HCRTR2: variants seen among roughly 807,000 people sequenced by gnomAD.
HCRTR2 encodes the protein orexin receptor type 2.
In HCRTR2, 22 loss-of-function variants were observed where a neutral mutation model predicts 49.0. The observed-to-expected ratio is 0.45, with a 90% confidence interval of 0.32 to 0.64. The LOEUF is 0.64. Among genes scored for constraint, HCRTR2 ranks in the 30% least tolerant of loss-of-function variants. The pLI is 0.04. For missense variants in HCRTR2, 491 were observed against 559.4 expected, an observed-to-expected ratio of 0.88 and a Z score of 1.23; for synonymous variants, 236 against 205.3, an observed-to-expected ratio of 1.15 and a Z score of -1.28.
At chr6:55,180,374 G>C (rs951794152) in intron 1 of HCRTR2, among the ~76,000 whole-genome samples, 7 of 152,254 alleles carry the variant, frequency 4.6e-5, no homozygotes, top group Non-Finnish European at 8.8e-5. Context: ...GAGGAAGGAA[G>C]AGATACTTAG....
chr6:55,232,264 T>A (rs1766129944), intron 1 of HCRTR2, among the ~76,000 whole-genome samples: 1 of 152,166 alleles, frequency 6.6e-6, no homozygotes, highest in African/African-American at 2.4e-5. Context: ...ATTAATACAA[T>A]CTTTATATAT....
At chr6:55,116,606 T>C (rs1261440162) in intron 1 of HCRTR2, among the ~76,000 whole-genome samples, 3 of 150,414 alleles carry the variant, frequency 2.0e-5, no homozygotes, top group East Asian at 2.0e-4. Context: ...TAGAATACAA[T>C]TGATCTAAAA....
chr6:55,281,824 A>T (rs975679930), intron 6 of HCRTR2, among the ~76,000 whole-genome samples: 1 of 152,148 alleles, frequency 6.6e-6, no homozygotes, highest in Non-Finnish European at 1.5e-5. Flanking sequence ...ATGCAGGAGT[A>T]ATTTTTGTAT....
intron 1 of HCRTR2, among the ~76,000 whole-genome samples, chr6:55,222,833 G>T (rs1765924427): frequency 6.6e-6 from 1 of 152,066 alleles, no homozygotes; most frequent in Admixed American, 6.6e-5. Context: ...AAGCATGCAA[G>T]ATGAAAAAGC....
In HCRTR2 at chr6:55,278,224, G is replaced by A. The variant is rs548780337; in HGVS notation, c.983+624G>A. On this transcript the variant is annotated intron_variant, in intron 5 of 6. Transcript: ENST00000370862. Reference sequence around the variant, plus strand: ...GCTACAATGCAGGCACAACTATTAAGTTAAAAATTTTGACCCATGACATGA... The same window carrying A: ...GCTACAATGCAGGCACAACTATTAAATTAAAAATTTTGACCCATGACATGA... Among the ~76,000 whole-genome samples the A allele has an allele frequency of 2.6e-5, 4 of 152,286 alleles. No homozygotes were observed. In the East Asian group the frequency reaches 7.7e-4, roughly 29 times the overall value.
chr6:55,187,966 T>C (rs1765253846), intron 1 of HCRTR2, among the ~76,000 whole-genome samples: 1 of 151,714 alleles, frequency 6.6e-6, no homozygotes, highest in Non-Finnish European at 1.5e-5. Context: ...GTATTTTTAG[T>C]AGAGACAGGT....
intron 1 of HCRTR2, among the ~76,000 whole-genome samples, chr6:55,160,068 AG>A (rs1554168836): frequency 6.6e-6 from 1 of 152,126 alleles, no homozygotes; most frequent in Non-Finnish European, 1.5e-5. Flanking sequence ...ACAGGAAAAA[AG>A]TTAAGGGCAG....
intron 1 of HCRTR2, among the ~76,000 whole-genome samples, chr6:55,122,191 G>A (rs1764210399): frequency 6.6e-6 from 1 of 152,086 alleles, no homozygotes; most frequent in Non-Finnish European, 1.5e-5. Flanking sequence ...TTTAGTCTTG[G>A]GAGGGTGTAT....
chr6:55,157,131 C>T (rs1210902320), intron 1 of HCRTR2, among the ~76,000 whole-genome samples: 1 of 152,106 alleles, frequency 6.6e-6, no homozygotes, highest in Non-Finnish European at 1.5e-5. Flanking sequence ...CTAGAGATTA[C>T]ATACACACTC....
intron 2 of HCRTR2, among the ~76,000 whole-genome samples, chr6:55,253,978 GA>G (rs1451890932): frequency 5.3e-5 from 8 of 152,068 alleles, no homozygotes; most frequent in Non-Finnish European, 1.2e-4. Context: ...AAACACCCAT[GA>G]CAGACATTTA....
At chr6:55,230,807 T>C (rs1364218680) in intron 1 of HCRTR2, among the ~76,000 whole-genome samples, 1 of 152,104 alleles carries the variant, frequency 6.6e-6, no homozygotes, top group Non-Finnish European at 1.5e-5. Context: ...TGTGGCTCAG[T>C]CATCTGAATG....
At chr6:55,264,154 C>T (rs940867638) in intron 4 of HCRTR2, among the ~76,000 whole-genome samples, 2 of 151,940 alleles carry the variant, frequency 1.3e-5, no homozygotes, top group African/African-American at 4.8e-5. Context: ...ACTAATTTCG[C>T]TTTCTATGAG....
At chr6:55,190,730 A>G (rs959763201) in intron 1 of HCRTR2, among the ~76,000 whole-genome samples, 2 of 152,184 alleles carry the variant, frequency 1.3e-5, no homozygotes, top group Non-Finnish European at 2.9e-5. Flanking sequence ...TTAAAATCTT[A>G]AAAAGGATTA....
intron 4 of HCRTR2, among the ~76,000 whole-genome samples, chr6:55,271,352 T>G (rs1020852009): frequency 6.6e-6 from 1 of 152,094 alleles, no homozygotes; most frequent in Non-Finnish European, 1.5e-5. Flanking sequence ...AGCAAAAGGA[T>G]GGAGTTGAAC....
chr6:55,130,368 C>A (rs962879381), intron 1 of HCRTR2, among the ~76,000 whole-genome samples: 5 of 149,946 alleles, frequency 3.3e-5, no homozygotes, highest in Admixed American at 6.6e-5. Context: ...GAATTGGTAA[C>A]CTTTTTTTTG....
intron 1 of HCRTR2, among the ~76,000 whole-genome samples, chr6:55,246,717 C>G (rs975865961): frequency 6.6e-6 from 1 of 151,918 alleles, no homozygotes; most frequent in Non-Finnish European, 1.5e-5. Flanking sequence ...CTTAGGTAGG[C>G]CCCTTAACTT....
At chr6:55,225,496 G>A (rs994179590) in intron 1 of HCRTR2, among the ~76,000 whole-genome samples, 1 of 152,140 alleles carries the variant, frequency 6.6e-6, no homozygotes, top group South Asian at 2.1e-4. Flanking sequence ...CATGGTCTGT[G>A]TAGGCAAAGC....
chr6:55,187,177 C>T (rs1765230712), intron 1 of HCRTR2, among the ~76,000 whole-genome samples: 3 of 151,656 alleles, frequency 2.0e-5, no homozygotes, highest in South Asian at 2.1e-4. Flanking sequence ...GATGCTGAGG[C>T]GGGTGGATCA....
chr6:55,201,484 A>G (rs1765512469), intron 1 of HCRTR2, among the ~76,000 whole-genome samples: 1 of 152,170 alleles, frequency 6.6e-6, no homozygotes, highest in African/African-American at 2.4e-5. Context: ...TCTAAATGCA[A>G]ATCTCAATAG....
Sources: allele counts gnomAD v4.1 joint callset (sites outside exome capture counted in the v4.1 genomes callset), GRCh38; gene constraint gnomAD v4.1.1; transcripts MANE v1.5; gene names NCBI Gene and HGNC (gene_info 2026-07-23, HGNC 2026-07-21).